NXPH2: variants seen among roughly 807,000 people sequenced by gnomAD.
The protein encoded by NXPH2 is neurexophilin 2, also known as neurexophilin-2.
In NXPH2, 5 loss-of-function variants were observed where a neutral mutation model predicts 19.8. That is an observed-to-expected ratio of 0.25 (90% CI 0.13 to 0.53). The LOEUF (loss-of-function observed/expected upper bound fraction) is 0.53, where lower values mean the gene tolerates loss of function less well. NXPH2 is among the 20% of genes least tolerant of loss of function. The pLI is 0.96. For synonymous variants in NXPH2, 154 were observed against 127.4 expected (o/e 1.21, Z -1.41); for missense variants, 289 against 322.8 (o/e 0.90, Z 0.80).
intron 1 of NXPH2, among the ~76,000 whole-genome samples, chr2:138,755,617 C>T (rs947772676): frequency 2.0e-5 from 3 of 152,000 alleles, no homozygotes; most frequent in Non-Finnish European, 4.4e-5. Context: ...AATGTGAGCC[C>T]TTCAGTTTTG....
rs146751232 is a variant in NXPH2 at position 138,711,702 on chromosome 2, A to G, written c.52-40037T>C. On this transcript the variant is annotated intron_variant, in intron 1 of 1. Coordinates refer to ENST00000272641, the MANE Select transcript of NXPH2 (RefSeq NM_007226.3). Reference sequence around the variant, plus strand: ...CACAAAAGCCCAGTCCACCTTTTCCATGATATCTCCTAACAGACATGTCCC... The same window carrying G: ...CACAAAAGCCCAGTCCACCTTTTCCGTGATATCTCCTAACAGACATGTCCC... Among the ~76,000 whole-genome samples, 1,227 of 152,244 alleles carry G rather than the reference A, an allele frequency of 8.1e-3. 17 individuals are homozygous for G. Among genetic ancestry groups the G allele is most frequent in the African/African-American group, 0.028 (1,152 of 41,544 alleles).
intron 1 of NXPH2, among the ~76,000 whole-genome samples, chr2:138,732,460 C>T (rs1681466831): frequency 6.6e-6 from 1 of 152,126 alleles, no homozygotes; most frequent in African/African-American, 2.4e-5. Context: ...GGATTCTTTT[C>T]AGGAGATGAT....
At chr2:138,737,533 G>T (rs548387045) in intron 1 of NXPH2, among the ~76,000 whole-genome samples, 24 of 152,266 alleles carry the variant, frequency 1.6e-4, no homozygotes, top group Non-Finnish European at 3.2e-4. Flanking sequence ...TTTGGGTGGG[G>T]ACACAGCCTA....
At chr2:138,774,214 T>C (rs1338546415) in intron 1 of NXPH2, among the ~76,000 whole-genome samples, 1 of 152,210 alleles carries the variant, frequency 6.6e-6, no homozygotes, top group African/African-American at 2.4e-5. Flanking sequence ...AGTTTACAAT[T>C]TAAAATGGTA....
chr2:138,771,914 T>C (rs545395446), intron 1 of NXPH2, among the ~76,000 whole-genome samples: 38 of 152,316 alleles, frequency 2.5e-4, no homozygotes, highest in Non-Finnish European at 4.7e-4. Context: ...ATTACTTTTA[T>C]AATAAAATAC....
intron 1 of NXPH2, among the ~76,000 whole-genome samples, chr2:138,732,473 CCT>C (rs1681467071): frequency 6.6e-6 from 1 of 152,102 alleles, no homozygotes; most frequent in Admixed American, 6.6e-5. Context: ...GAGATGATCT[CCT>C]CTGAAATCTG....
chr2:138,740,691 C>T (rs1465187432), intron 1 of NXPH2, among the ~76,000 whole-genome samples: 2 of 152,040 alleles, frequency 1.3e-5, no homozygotes, highest in African/African-American at 4.8e-5. Flanking sequence ...CAAACTCACT[C>T]ATGTGTAATA....
chr2:138,738,359 C>T (rs1681585970), intron 1 of NXPH2, among the ~76,000 whole-genome samples: 1 of 152,096 alleles, frequency 6.6e-6, no homozygotes, highest in South Asian at 2.1e-4. Context: ...ACGAATGACA[C>T]TTGGTGGACT....
Position 138,760,364 on chromosome 2 carries a change from C to T in NXPH2, c.51+19827G>A, listed in dbSNP as rs1573981293. ...ACTTTTGAGATCTCTCAGCCTGACG[C>T]TTTGAAACAACAACAACAAAAACCC... On this transcript the variant is annotated intron_variant, in intron 1 of 1. Transcript: ENST00000272641. 3.9e-5 allele frequency among the ~76,000 whole-genome samples: 6 copies of T among 152,276 alleles called. No homozygotes were observed. In the South Asian group the frequency reaches 1.0e-3, roughly 26 times the overall value.
At chr2:138,758,059 T>C (rs1229398082) in intron 1 of NXPH2, among the ~76,000 whole-genome samples, 1 of 152,070 alleles carries the variant, frequency 6.6e-6, no homozygotes, top group Non-Finnish European at 1.5e-5. Context: ...ATGTTAAGAC[T>C]CTCAAATAGA....
chr2:138,711,175 C>T (rs1196974277), intron 1 of NXPH2, among the ~76,000 whole-genome samples: 1 of 35,146 alleles, frequency 2.8e-5, no homozygotes, highest in Non-Finnish European at 5.7e-5. Context: ...GAGTCTCGCT[C>T]TGTCACCTGG....
chr2:138,688,393 G>T (rs1322370285), intron 1 of NXPH2, among the ~76,000 whole-genome samples: 1 of 152,084 alleles, frequency 6.6e-6, no homozygotes, highest in East Asian at 1.9e-4. Context: ...TGTTGCCCAG[G>T]CTGGTCTTGA....
intron 1 of NXPH2, among the ~76,000 whole-genome samples, chr2:138,747,523 C>A (rs1162159331): frequency 6.6e-6 from 1 of 152,148 alleles, no homozygotes; most frequent in African/African-American, 2.4e-5. Context: ...GCTGTCAGAC[C>A]CTCATGGTAT....
chr2:138,678,819 C>A (rs1573950842), intron 1 of NXPH2, among the ~76,000 whole-genome samples: 1 of 152,094 alleles, frequency 6.6e-6, no homozygotes, highest in Non-Finnish European at 1.5e-5. Flanking sequence ...TAGGAGCCTG[C>A]CCATTTTACT....
chr2:138,693,421 C>T (rs4954947), intron 1 of NXPH2, among the ~76,000 whole-genome samples: 37,460 of 151,948 alleles, frequency 0.25, 5,298 homozygotes, highest in East Asian at 0.54. Flanking sequence ...TCAGAATTAG[C>T]GATTAACTTC....
chr2:138,759,296 A>G (rs1232749816), intron 1 of NXPH2, among the ~76,000 whole-genome samples: 1 of 152,164 alleles, frequency 6.6e-6, no homozygotes, highest in Non-Finnish European at 1.5e-5. Context: ...TGGATTCAAG[A>G]AACAAGAAGT....
intron 1 of NXPH2, among the ~76,000 whole-genome samples, chr2:138,674,105 A>G (rs557307483): frequency 6.6e-6 from 1 of 152,026 alleles, no homozygotes; most frequent in African/African-American, 2.4e-5. Flanking sequence ...AGCCTCCAGA[A>G]TAGCTAGGAA....
intron 1 of NXPH2, among the ~76,000 whole-genome samples, chr2:138,698,703 A>G (rs1680866698): frequency 6.6e-6 from 1 of 152,018 alleles, no homozygotes; most frequent in South Asian, 2.1e-4. Context: ...AAAATTTACA[A>G]ATTAGCCGGG....
chr2:138,697,613 C>T lies in NXPH2; in HGVS notation c.52-25948G>A, dbSNP rs149328273. 4.0e-3 allele frequency among the ~76,000 whole-genome samples: 602 copies of T among 151,930 alleles called. 2 individuals are homozygous for T. The highest frequency in any genetic ancestry group is 7.7e-3 in the Non-Finnish European group (525 of 67,844). ...TGGCAGGAAATATACAATTCATTAA[C>T]TGGTTGTCTCAGGATAATACATTCT... On this transcript the variant is annotated intron_variant, in intron 1 of 1. Transcript: ENST00000272641.
Sources: allele counts gnomAD v4.1 joint callset (sites outside exome capture counted in the v4.1 genomes callset), GRCh38; gene constraint gnomAD v4.1.1; transcripts MANE v1.5; gene names NCBI Gene and HGNC (gene_info 2026-07-23, HGNC 2026-07-21).